Variants in OTUD3 observed in about 807,000 individuals in gnomAD.
OTUD3 encodes OTU deubiquitinase 3, also known as OTU domain-containing protein 3.
Under a neutral mutation model 46.2 loss-of-function variants are expected in OTUD3, and 24 were observed. The ratio of observed to expected loss-of-function variants is 0.52; its 90% CI spans 0.38 to 0.73. The LOEUF (loss-of-function observed/expected upper bound fraction) is 0.73. OTUD3 is among the 30% of genes least tolerant of loss of function. The pLI, the probability that OTUD3 is intolerant of heterozygous loss-of-function variation, is 0.00. For synonymous variants in OTUD3, 189 were observed against 195.4 expected, an observed-to-expected ratio of 0.97 and a Z score of 0.27; for missense variants, 455 against 523.3, an observed-to-expected ratio of 0.87 and a Z score of 1.27.
chr1:19,890,270 C>T (rs916602657), intron 1 of OTUD3, 115 bp from the exon 2 acceptor site: 1 of 1,037,060 alleles, frequency 9.6e-7, no homozygotes, highest in Non-Finnish European at 1.5e-6. Context: ...AGAGTTGAGT[C>T]TTTACCTCTG....
intron 6 of OTUD3, 123 bp from the exon 7 acceptor site, chr1:19,906,309 C>G (rs2045660180): frequency 1.3e-6 from 1 of 779,282 alleles, no homozygotes; most frequent in South Asian, 2.9e-5. Context: ...GAATTTGTCT[C>G]AAGGAAACTT....
At chr1:19,904,774 C>T in intron 5 of OTUD3, 117 bp from the exon 6 acceptor site, 1 of 633,666 alleles carries the variant, frequency 1.6e-6, no homozygotes, top group Non-Finnish European at 2.8e-6. Flanking sequence ...GGTCCTGAAA[C>T]CTTGTGTTAA....
In OTUD3 at chr1:19,906,476, T is replaced by C; in HGVS notation, c.880T>C (p.Cys294Arg). 5 of 1,614,034 alleles carry C rather than the reference T, an allele frequency of 3.1e-6. No homozygotes were observed. Among genetic ancestry groups the C allele is most frequent in the Non-Finnish European group, 4.2e-6 (5 of 1,179,960 alleles). Residue 294 changes from cysteine (C) to arginine (R), a missense_variant, in exon 7 of 8, where the codon TGT becomes CGT. By Grantham distance (180) the Cys-to-Arg change is radical (BLOSUM62 -3). Transcript: ENST00000375120. ...GCCCAGTGGTCGAGTGCTGAAGCAGTGTGGCCCTTTGTGGGAGGAGGGTGG... is the reference window on the plus strand; with the variant it reads ...GCCCAGTGGTCGAGTGCTGAAGCAGCGTGGCCCTTTGTGGGAGGAGGGTGG... ...LEPSGRVLKQ[C>R]GPLWEEGGSG...
chr1:19,894,353 C>G lies in OTUD3; in HGVS notation c.371-15C>G. The G allele has an allele frequency of 6.7e-7, 1 of 1,495,624 alleles. No individual in the cohort carries two copies. Among genetic ancestry groups the G allele is most frequent in the Admixed American group, 1.9e-5 (1 of 51,872 alleles). The allele number at this position is 1,495,624 out of a possible 1,614,324, so 92.6% of individuals were successfully genotyped here. Reference sequence around the variant, plus strand: ...CACTATAAAGACGTCATTTTTCTTTCCTATTTCCATGCAGTGGCCAGTTTG... The same window carrying G: ...CACTATAAAGACGTCATTTTTCTTTGCTATTTCCATGCAGTGGCCAGTTTG... On this transcript the variant is annotated splice_polypyrimidine_tract_variant and intron_variant, in intron 2 of 7. Coordinates refer to ENST00000375120, the MANE Select transcript of OTUD3 (RefSeq NM_015207.2).
chr1:19,897,420 C>A, intron 3 of OTUD3, 120 bp from the exon 4 acceptor site: 1 of 928,688 alleles, frequency 1.1e-6, no homozygotes, highest in Non-Finnish European at 1.6e-6. Flanking sequence ...CAGGTGTGTT[C>A]CCAATTAGTG....
In OTUD3 at chr1:19,882,735, G is replaced by A; in HGVS notation, c.221+1G>A. On this transcript the variant is annotated splice_donor_variant, in intron 1 of 7. Coordinates refer to ENST00000375120, the MANE Select transcript of OTUD3 (RefSeq NM_015207.2). LOFTEE classifies it high-confidence loss of function. Reference sequence around the variant, plus strand: ...AGCTGCGGGAGGTGCCGGGGGACGGGTGAGGCGGGCCGGGAGCGAGGGAGG... The same window carrying A: ...AGCTGCGGGAGGTGCCGGGGGACGGATGAGGCGGGCCGGGAGCGAGGGAGG... 7.4e-7 allele frequency: 1 copy of A among 1,347,944 alleles called. No individual in the cohort carries two copies. Among genetic ancestry groups the A allele is most frequent in the Non-Finnish European group, 9.5e-7 (1 of 1,050,106 alleles). The allele number at this position is 1,347,944 out of a possible 1,614,324, so 83.5% of individuals were successfully genotyped here. A position where few individuals can be genotyped will look rare whatever the true frequency, so the allele number is the denominator to read the frequency against.
At chr1:19,897,492 T>G in intron 3 of OTUD3, 48 bp from the exon 4 acceptor site, 1 of 1,605,934 alleles carries the variant, frequency 6.2e-7, no homozygotes, top group Non-Finnish European at 8.5e-7. Context: ...CTCCAGAAGT[T>G]GATAGTGTTC....
chr1:19,884,141 A>C (rs1262197039), intron 1 of OTUD3, among the ~76,000 whole-genome samples: 1 of 152,194 alleles, frequency 6.6e-6, no homozygotes, highest in African/African-American at 2.4e-5. Context: ...ATAGAAACAG[A>C]AATACCAATT....
In OTUD3 at chr1:19,912,014, G is replaced by T. The variant is rs931572967; in HGVS notation, c.*4268G>T. The T allele has an allele frequency of 6.6e-6, 1 of 152,360 alleles. No individual in the cohort carries two copies. Among genetic ancestry groups the T allele is most frequent in the Non-Finnish European group, 1.5e-5 (1 of 68,048 alleles). The allele number at this position is 152,360 out of a possible 1,614,324, so 9.4% of individuals were successfully genotyped here. ...CTGTCCTCGTTAGGACTGTTTTGTG[G>T]TTCCATGAAAATGTTTAGCATCCTT... On this transcript the variant is annotated 3_prime_UTR_variant, in exon 8 of 8. Coordinates refer to ENST00000375120, the MANE Select transcript of OTUD3 (RefSeq NM_015207.2).
At chr1:19,895,992 A>G (rs1365903342) in intron 3 of OTUD3, among the ~76,000 whole-genome samples, 1 of 151,858 alleles carries the variant, frequency 6.6e-6, no homozygotes, top group African/African-American at 2.4e-5. Context: ...TTTTTTTTGA[A>G]TTTATTTCTG....
chr1:19,896,173 T>C (rs908404062), intron 3 of OTUD3, among the ~76,000 whole-genome samples: 3 of 152,156 alleles, frequency 2.0e-5, no homozygotes, highest in Non-Finnish European at 2.9e-5. Context: ...GGCTCTTTCA[T>C]TAATAAAGAG....
chr1:19,898,479 A>G (rs2045545539), intron 4 of OTUD3, among the ~76,000 whole-genome samples: 2 of 151,986 alleles, frequency 1.3e-5, no homozygotes, highest in Admixed American at 6.5e-5. Flanking sequence ...CTGTAATCCC[A>G]GCACTTTGGG....
At chr1:19,894,764 G>A (rs2045494085) in intron 3 of OTUD3, among the ~76,000 whole-genome samples, 1 of 152,190 alleles carries the variant, frequency 6.6e-6, no homozygotes. Context: ...GGAAACACAG[G>A]CTGTCACCCC....
At position 19,882,677 on chromosome 1, in the gene OTUD3, G is replaced by C; in HGVS notation, c.164G>C (p.Ser55Thr). The change falls in exon 1 of 8, where the codon AGC (serine) becomes ACC (threonine). Residue 55 changes from serine to threonine, a missense_variant. Coordinates refer to ENST00000375120, the MANE Select transcript of OTUD3 (RefSeq NM_015207.2). ...GGGGCEEEFV[S>T]FANQLQALGL... is the part of the protein sequence containing the mutation. ...GGCGGCTGCGAGGAGGAGTTCGTCAGCTTCGCCAACCAGCTGCAGGCCCTG... is the reference window on the plus strand; with the variant it reads ...GGCGGCTGCGAGGAGGAGTTCGTCACCTTCGCCAACCAGCTGCAGGCCCTG... The C allele has an allele frequency of 6.9e-7, 1 of 1,457,588 alleles. No individual in the cohort carries two copies. The highest frequency in any genetic ancestry group is 9.0e-7 in the Non-Finnish European group (1 of 1,106,358). The allele number at this position is 1,457,588 out of a possible 1,614,324, so 90.3% of individuals were successfully genotyped here.
chr1:19,891,794 A>G (rs887583610), intron 2 of OTUD3, among the ~76,000 whole-genome samples: 39 of 152,212 alleles, frequency 2.6e-4, no homozygotes, highest in African/African-American at 9.2e-4. Context: ...GACACAGAGC[A>G]ACAAAACTTC....
At chr1:19,883,572 T>C (rs528180670) in intron 1 of OTUD3, among the ~76,000 whole-genome samples, 1 of 152,326 alleles carries the variant, frequency 6.6e-6, no homozygotes, top group South Asian at 2.1e-4. Flanking sequence ...TTCCTCCCCG[T>C]ATTTGAGTGC....
chr1:19,902,007 T>G (rs2045596627), intron 4 of OTUD3, among the ~76,000 whole-genome samples: 1 of 152,174 alleles, frequency 6.6e-6, no homozygotes, highest in South Asian at 2.1e-4. Flanking sequence ...AATACCTATT[T>G]TCAGTCTTTT....
At position 19,885,656 on chromosome 1, in the gene OTUD3, A is replaced by G. The variant is rs550307807; in HGVS notation, c.221+2922A>G. ...TTTTTAGTAGAGATGGGGTTTCACC[A>G]TGTTGGCCAGGCTGGTCTCGAACTC... On this transcript the variant is annotated intron_variant, in intron 1 of 7. Transcript: ENST00000375120. 2.8e-4 allele frequency among the ~76,000 whole-genome samples: 42 copies of G among 152,282 alleles called. 1 individual carries two copies. In the South Asian group the frequency reaches 8.5e-3, roughly 31 times the overall value.
intron 1 of OTUD3, among the ~76,000 whole-genome samples, chr1:19,886,800 G>C (rs1191207132): frequency 3.3e-5 from 5 of 152,300 alleles, no homozygotes; most frequent in African/African-American, 9.6e-5. Context: ...GAGTAGGCCT[G>C]GGTGGGCCCC....
Sources: allele counts gnomAD v4.1 joint callset (sites outside exome capture counted in the v4.1 genomes callset), GRCh38; gene constraint gnomAD v4.1.1; transcripts MANE v1.5; gene names NCBI Gene and HGNC (gene_info 2026-07-23, HGNC 2026-07-21).